Variants in ST18 observed in about 807,000 individuals in gnomAD.
ST18 encodes suppression of tumorigenicity 18 protein.
A neutral mutation model predicts 110.0 loss-of-function variants in ST18; 50 were observed. The ratio of observed to expected loss-of-function variants is 0.45; its 90% CI spans 0.36 to 0.58. ST18 has a LOEUF of 0.58. Ranked by LOEUF, ST18 falls within the 20% of genes least tolerant of loss-of-function variation. The pLI, the probability that ST18 is intolerant of heterozygous loss-of-function variation, is 0.00. For synonymous variants in ST18, 461 were observed against 452.4 expected (o/e 1.02, Z -0.24); for missense variants, 1,306 against 1,280.1 (o/e 1.02, Z -0.31).
chr8:52,212,221 G>A, intron 7 of ST18, 112 bp from the exon 8 acceptor site: 3 of 975,154 alleles, frequency 3.1e-6, no homozygotes. Context: ...TTTCTCACTG[G>A]GTGGGTTCAT....
chr8:52,262,648 A>C (rs192728977), intron 2 of ST18, among the ~76,000 whole-genome samples: 1 of 152,346 alleles, frequency 6.6e-6, no homozygotes, highest in East Asian at 1.9e-4. Context: ...GCTGATTTCT[A>C]ATAAAGCTAA....
chr8:52,335,853 C>G (rs764343374), intron 2 of ST18, among the ~76,000 whole-genome samples: 3 of 152,116 alleles, frequency 2.0e-5, no homozygotes, highest in Non-Finnish European at 4.4e-5. Context: ...AGGTGTCCTC[C>G]GTAAGCACCT....
At chr8:52,378,115 A>G (rs779957142) in intron 2 of ST18, among the ~76,000 whole-genome samples, 14 of 152,164 alleles carry the variant, frequency 9.2e-5, no homozygotes, top group Non-Finnish European at 2.1e-4. Flanking sequence ...CAGGGAGGGG[A>G]ATAGAGAAAG....
intron 2 of ST18, among the ~76,000 whole-genome samples, chr8:52,248,070 GA>G (rs146595930): frequency 0.12 from 17,578 of 151,552 alleles, 1,367 homozygotes; most frequent in Middle Eastern, 0.21. Context: ...AGTACTTCAT[GA>G]AAAAAAATGG....
chr8:52,336,414 G>A (rs1214166791), intron 2 of ST18, among the ~76,000 whole-genome samples: 1 of 152,134 alleles, frequency 6.6e-6, no homozygotes, highest in Non-Finnish European at 1.5e-5. Context: ...GCCTCTCAAA[G>A]TGCTGGGATT....
intron 2 of ST18, among the ~76,000 whole-genome samples, chr8:52,365,588 A>G (rs1029107573): frequency 6.6e-5 from 10 of 152,324 alleles, no homozygotes; most frequent in Middle Eastern, 3.4e-3. Context: ...TAGTTTAAAA[A>G]AAAAAACTTA....
chr8:52,245,657 G>T (rs1192445691), intron 2 of ST18, among the ~76,000 whole-genome samples: 1 of 151,964 alleles, frequency 6.6e-6, no homozygotes, highest in Non-Finnish European at 1.5e-5. Context: ...CTCTTTATTA[G>T]AATAGTATCA....
chr8:52,319,785 G>T (rs1163038396), intron 2 of ST18, among the ~76,000 whole-genome samples: 1 of 152,160 alleles, frequency 6.6e-6, no homozygotes, highest in African/African-American at 2.4e-5. Context: ...CAATCAGGCT[G>T]GACTTGCATG....
At chr8:52,360,162 T>A (rs2140432886) in intron 2 of ST18, among the ~76,000 whole-genome samples, 1 of 152,212 alleles carries the variant, frequency 6.6e-6, no homozygotes, top group South Asian at 2.1e-4. Flanking sequence ...TATAGTTGAA[T>A]CCCCTAAATC....
intron 2 of ST18, among the ~76,000 whole-genome samples, chr8:52,383,353 T>A (rs1284497847): frequency 1.3e-5 from 2 of 152,246 alleles, no homozygotes; most frequent in Non-Finnish European, 2.9e-5. Context: ...TGAGTTCTGA[T>A]AAATATATAA....
chr8:52,367,224 C>T (rs557962505), intron 2 of ST18, among the ~76,000 whole-genome samples: 9 of 20,546 alleles, frequency 4.4e-4, no homozygotes, highest in Admixed American at 1.6e-3. Flanking sequence ...GGTGACAGAG[C>T]GGGACCCTGT....
chr8:52,367,656 G>A (rs1280101956), intron 2 of ST18, among the ~76,000 whole-genome samples: 4 of 152,140 alleles, frequency 2.6e-5, no homozygotes, highest in African/African-American at 4.8e-5. Flanking sequence ...GGTTTAAACT[G>A]TTCAACCCAT....
intron 2 of ST18, among the ~76,000 whole-genome samples, chr8:52,331,659 C>T (rs1414774801): frequency 6.6e-6 from 1 of 152,174 alleles, no homozygotes; most frequent in Non-Finnish European, 1.5e-5. Context: ...TGAACTATCA[C>T]ACATTGTTGT....
intron 8 of ST18, among the ~76,000 whole-genome samples, chr8:52,204,158 G>A (rs2079067666): frequency 6.6e-6 from 1 of 152,152 alleles, no homozygotes; most frequent in African/African-American, 2.4e-5. Flanking sequence ...TCAAGATTTG[G>A]ACATTTGTTC....
At chr8:52,342,364 A>G (rs1427234705) in intron 2 of ST18, among the ~76,000 whole-genome samples, 2 of 43,800 alleles carry the variant, frequency 4.6e-5, no homozygotes, top group Admixed American at 3.5e-4. Context: ...ATATGACTCC[A>G]TATAACTCTC....
chr8:52,298,200 T>G lies in ST18; in HGVS notation c.-464-68123A>C, dbSNP rs2095663207. 1.1e-4 allele frequency among the ~76,000 whole-genome samples: 16 copies of G among 152,314 alleles called. 1 individual carries two copies. In the South Asian group the frequency reaches 3.3e-3, roughly 32 times the overall value. ...CATTTCAGTGCTGCACATATTTCACTGGCCAGAGTGCAGTTATTGGCTCAA... is the reference window on the plus strand; with the variant it reads ...CATTTCAGTGCTGCACATATTTCACGGGCCAGAGTGCAGTTATTGGCTCAA... On this transcript the variant is annotated intron_variant, in intron 2 of 25. Coordinates refer to ENST00000689386, the MANE Select transcript of ST18 (RefSeq NM_001352837.2).
chr8:52,385,495 G>C (rs932564890), intron 2 of ST18, among the ~76,000 whole-genome samples: 1 of 151,624 alleles, frequency 6.6e-6, no homozygotes, highest in African/African-American at 2.4e-5. Flanking sequence ...AGCTACTCAA[G>C]AGGCTGAGGC....
chr8:52,235,906 G>A (rs986796190), intron 2 of ST18, among the ~76,000 whole-genome samples: 40 of 152,130 alleles, frequency 2.6e-4, no homozygotes, highest in African/African-American at 9.7e-4. Context: ...GGAATGACTG[G>A]CATATTAAAA....
At chr8:52,351,611 A>G (rs896053933) in intron 2 of ST18, among the ~76,000 whole-genome samples, 3 of 152,368 alleles carry the variant, frequency 2.0e-5, no homozygotes, top group South Asian at 4.1e-4. Flanking sequence ...AAGCAAACAC[A>G]TGAATTGTCC....
Sources: allele counts gnomAD v4.1 joint callset (sites outside exome capture counted in the v4.1 genomes callset), GRCh38; gene constraint gnomAD v4.1.1; transcripts MANE v1.5; gene names NCBI Gene and HGNC (gene_info 2026-07-23, HGNC 2026-07-21).